The following AANAT variants were observed in gnomAD, a reference collection of about 807,000 sequenced individuals.
The protein encoded by AANAT is serotonin N-acetyltransferase.
A neutral mutation model predicts 15.6 loss-of-function variants in AANAT; 11 were observed. The observed-to-expected ratio is 0.71, with a 90% CI of 0.44 to 1.17. AANAT has a LOEUF of 1.17. Ranked by LOEUF, AANAT falls within the 50% of genes most tolerant of loss-of-function variation. The probability of loss-of-function intolerance (pLI) is 0.00; values close to 1 mark genes in which losing one functional copy is unlikely to be tolerated. For synonymous variants in AANAT, 139 were observed against 131.5 expected (o/e 1.06, Z -0.39); for missense variants, 286 against 296.3 (o/e 0.97, Z 0.26).
At chr17:76,460,541 T>G (rs934929646) in intron 2 of AANAT, among the ~76,000 whole-genome samples, 2 of 152,168 alleles carry the variant, frequency 1.3e-5, no homozygotes, top group African/African-American at 4.8e-5. Context: ...GCTCAAGCGA[T>G]CCTCCTGCCT....
chr17:76,464,225 C>T (rs911715642), upstream of AANAT, among the ~76,000 whole-genome samples: 2 of 152,030 alleles, frequency 1.3e-5, no homozygotes, highest in African/African-American at 4.8e-5. Flanking sequence ...GCCCGTAATC[C>T]CAGCTACTTG....
At chr17:76,453,529 G>T in exon 1 of AANAT, 1 of 175,542 alleles carries the variant, frequency 5.7e-6, no homozygotes. Flanking sequence ...TGGCGTCCTA[G>T]CCTAGCCCCC....
intron 1 of AANAT, among the ~76,000 whole-genome samples, chr17:76,468,016 C>T (rs1159725045): frequency 6.6e-6 from 1 of 151,956 alleles, no homozygotes; most frequent in African/African-American, 2.4e-5. Context: ...GCCCCCGGCT[C>T]CCTCTAACCT....
chr17:76,457,099 G>A (rs1291469689), intron 1 of AANAT, among the ~76,000 whole-genome samples: 1 of 152,188 alleles, frequency 6.6e-6, no homozygotes, highest in Non-Finnish European at 1.5e-5. Flanking sequence ...CTGGAGTGCA[G>A]TAGCGTGATC....
At position 76,468,554 on chromosome 17, in the gene AANAT, T is replaced by C. The variant is rs887955904; in HGVS notation, c.-75-118T>C. ...ACCAGGTACCTGGGGAATGTGCCCATTGATTTAGGGGCTGTCTCCACCCCA... is the reference window on the plus strand; with the variant it reads ...ACCAGGTACCTGGGGAATGTGCCCACTGATTTAGGGGCTGTCTCCACCCCA... On this transcript the variant is annotated intron_variant, in intron 1 of 3. Coordinates refer to ENST00000392492, the MANE Select transcript of AANAT (RefSeq NM_001088.3). The C allele has an allele frequency of 1.3e-5, 11 of 877,686 alleles. No homozygotes were observed. The Admixed American group carries it at 1.4e-4, about 12-fold the overall frequency. 54.4% of individuals were successfully genotyped at this position (877,686 alleles called of 1,614,324 possible).
At chr17:76,463,636 G>A (rs894266100), upstream of AANAT, among the ~76,000 whole-genome samples, 1 of 151,934 alleles carries the variant, frequency 6.6e-6, no homozygotes, top group African/African-American at 2.4e-5. Flanking sequence ...AAAGGTCATC[G>A]GAGCCTCCCT....
In AANAT at chr17:76,467,693, T is replaced by C. The variant is rs2073454716; in HGVS notation, c.-110T>C. 3.0e-6 allele frequency: 3 copies of C among 985,454 alleles called. No homozygotes were observed. Among genetic ancestry groups the C allele is most frequent in the Non-Finnish European group, 3.6e-6 (3 of 829,930 alleles). 61.0% of individuals were successfully genotyped at this position (985,454 alleles called of 1,614,324 possible). ...CAGGCCCCCAGGGCTAGCGGCTTTG[T>C]GGAGGGAACACTGGGTATCCTCTCC... On this transcript the variant is annotated 5_prime_UTR_variant, in exon 1 of 4. Coordinates refer to ENST00000392492, the MANE Select transcript of AANAT (RefSeq NM_001088.3).
upstream of AANAT, chr17:76,466,217 A>G: frequency 2.6e-6 from 4 of 1,535,198 alleles, no homozygotes. Context: ...CTTTTGGGGG[A>G]CCCTGGAGGT....
Position 76,469,656 on chromosome 17 carries a change from C to A in AANAT, c.319-9C>A. 6.8e-7 allele frequency: 1 copy of A among 1,467,124 alleles called. No homozygotes were observed. Among genetic ancestry groups the A allele is most frequent in the Non-Finnish European group, 9.0e-7 (1 of 1,111,434 alleles). 90.9% of individuals were successfully genotyped at this position (1,467,124 alleles called of 1,614,324 possible). A position where few individuals can be genotyped will look rare whatever the true frequency, so the allele number is the denominator to read the frequency against. On this transcript the variant is annotated splice_polypyrimidine_tract_variant and intron_variant, in intron 3 of 3. Transcript: ENST00000392492. The surrounding 1 kb of genome is among the most constrained non-coding windows in gnomAD (Gnocchi z 5.2). Reference sequence around the variant, plus strand: ...GTGACCTGGGATCTCATCCCTTGCTCGCTCCCAGGAGTCACTGACGCTGCA... The same window carrying A: ...GTGACCTGGGATCTCATCCCTTGCTAGCTCCCAGGAGTCACTGACGCTGCA...
chr17:76,454,511 A>G (rs2073318777), intron 1 of AANAT, among the ~76,000 whole-genome samples: 2 of 151,652 alleles, frequency 1.3e-5, no homozygotes. Flanking sequence ...AAAAATAAAT[A>G]AAATATAAAA....
intron 1 of AANAT, among the ~76,000 whole-genome samples, chr17:76,458,398 G>A (rs775041157): frequency 1.4e-4 from 21 of 152,288 alleles, no homozygotes; most frequent in African/African-American, 2.6e-4. Flanking sequence ...GATGGAAGCC[G>A]CTGCTTAGTT....
At chr17:76,464,799 A>ATTTT (rs56837304), upstream of AANAT, among the ~76,000 whole-genome samples, 3 of 148,336 alleles carry the variant, frequency 2.0e-5, no homozygotes, top group Non-Finnish European at 4.5e-5. Context: ...GTATCTATAT[A>ATTTT]TTTTTTTTTT....
chr17:76,462,648 C>T (rs752914531), upstream of AANAT, among the ~76,000 whole-genome samples: 9 of 152,302 alleles, frequency 5.9e-5, no homozygotes, highest in Admixed American at 1.3e-4. Context: ...GCACACAGTT[C>T]TCCATCTCTC....
At chr17:76,458,347 A>G (rs1459356076) in intron 1 of AANAT, among the ~76,000 whole-genome samples, 1 of 152,156 alleles carries the variant, frequency 6.6e-6, no homozygotes, top group East Asian at 1.9e-4. Context: ...GCCCCCAGCC[A>G]CGGTCTCCAT....
In AANAT at chr17:76,468,902, G is replaced by A. The variant is rs748173925; in HGVS notation, c.156G>A (p.Glu52=). The A allele has an allele frequency of 6.2e-7, 1 of 1,613,144 alleles. No individual in the cohort carries two copies. The highest frequency in any genetic ancestry group is 1.1e-5 in the South Asian group (1 of 91,070). Residue 52 remains glutamate (E), a synonymous_variant, in exon 2 of 4, where the codon GAG becomes GAA. Coordinates refer to ENST00000392492, the MANE Select transcript of AANAT (RefSeq NM_001088.3). ...PEDAVSAFEI[E]REAFISVLGV... Reference sequence around the variant, plus strand: ...ACGCTGTCAGCGCCTTTGAGATCGAGCGTGAAGGTGAGTGGCCCCGCACAG... The same window carrying A: ...ACGCTGTCAGCGCCTTTGAGATCGAACGTGAAGGTGAGTGGCCCCGCACAG...
intron 2 of AANAT, among the ~76,000 whole-genome samples, chr17:76,460,482 TAGAG>T (rs2073378417): frequency 1.3e-5 from 2 of 151,816 alleles, no homozygotes; most frequent in South Asian, 2.1e-4. Context: ...AAAAAAATAA[TAGAG>T]AGAAGGTCTC....
chr17:76,464,429 G>A (rs192252900), upstream of AANAT, among the ~76,000 whole-genome samples: 51 of 152,242 alleles, frequency 3.3e-4, no homozygotes, highest in African/African-American at 1.1e-3. Context: ...AGAGCCTTTT[G>A]GGAGAAAACT....
upstream of AANAT, chr17:76,466,159 C>A: frequency 6.5e-7 from 1 of 1,536,768 alleles, no homozygotes; most frequent in South Asian, 1.2e-5. Context: ...TAGGATTGGC[C>A]ACCAGGGGGT....
At chr17:76,465,472 G>A (rs2073428515), upstream of AANAT, among the ~76,000 whole-genome samples, 2 of 151,680 alleles carry the variant, frequency 1.3e-5, no homozygotes, top group Admixed American at 1.3e-4. Flanking sequence ...AGTAGCTGGG[G>A]CTACAGGTGT....
Sources: gnomAD v4.1 joint callset for allele counts (sites outside exome capture counted in the v4.1 genomes callset) on GRCh38, gnomAD v4.1.1 for gene constraint, Gnocchi (gnomAD v3.1) non-coding constraint, MANE v1.5 for transcripts, NCBI Gene and HGNC (gene_info 2026-07-23, HGNC 2026-07-21) for gene names.